Variants in AHCTF1 observed in about 807,000 individuals in gnomAD.
AHCTF1 encodes protein ELYS.
In AHCTF1, 24 loss-of-function variants were observed where a neutral mutation model predicts 248.4. The ratio of observed to expected loss-of-function variants is 0.10; its 90% confidence interval spans 0.07 to 0.14. The LOEUF is 0.14. Among genes scored for constraint, AHCTF1 ranks in the 10% least tolerant of loss-of-function variants. AHCTF1 has a pLI of 1.00. For missense variants in AHCTF1, 2,206 were observed against 2,636.2 expected (o/e 0.84, Z 3.57); for synonymous variants, 786 against 929.8 (o/e 0.85, Z 2.81).
intron 21 of AHCTF1, among the ~76,000 whole-genome samples, chr1:246,877,734 T>C (rs749173898): frequency 3.3e-5 from 5 of 151,858 alleles, no homozygotes; most frequent in Non-Finnish European, 5.9e-5. Context: ...AGCTTGGTAG[T>C]AGATGTTTTT....
intron 6 of AHCTF1, among the ~76,000 whole-genome samples, chr1:246,904,929 T>C (rs1665274759): frequency 6.6e-6 from 1 of 152,164 alleles, no homozygotes; most frequent in Admixed American, 6.5e-5. Context: ...TCCAAGTATA[T>C]TTGAAGAATA....
intron 8 of AHCTF1, among the ~76,000 whole-genome samples, chr1:246,901,773 A>G (rs1691254): frequency 0.61 from 92,158 of 152,060 alleles, 30,166 homozygotes; most frequent in African/African-American, 0.87. Context: ...AGCCAAGATC[A>G]TGCCACCACA....
chr1:246,863,309 G>A (rs1205274533), intron 27 of AHCTF1, among the ~76,000 whole-genome samples: 4 of 151,752 alleles, frequency 2.6e-5, no homozygotes, highest in Admixed American at 6.6e-5. Flanking sequence ...AGGGGTGAGG[G>A]AGAAATAAAG....
At chr1:246,897,135 G>A (rs1558257702) in intron 12 of AHCTF1, among the ~76,000 whole-genome samples, 1 of 152,206 alleles carries the variant, frequency 6.6e-6, no homozygotes, top group East Asian at 1.9e-4. Context: ...CCAACATGGT[G>A]TAACTCTGTC....
chr1:246,906,759 T>C (rs940904567), intron 5 of AHCTF1, among the ~76,000 whole-genome samples: 4 of 152,182 alleles, frequency 2.6e-5, no homozygotes, highest in Non-Finnish European at 5.9e-5. Context: ...TTAACACAAA[T>C]TAACTTAGCT....
intron 14 of AHCTF1, 74 bp from the exon 15 acceptor site, chr1:246,891,993 C>A: frequency 7.0e-7 from 1 of 1,421,574 alleles, no homozygotes; most frequent in South Asian, 1.3e-5. Context: ...TGCAAAATTT[C>A]TCAAACTCCT....
chr1:246,928,896 C>G (rs1244468777), intron 1 of AHCTF1, among the ~76,000 whole-genome samples: 1 of 152,162 alleles, frequency 6.6e-6, no homozygotes, highest in East Asian at 1.9e-4. Flanking sequence ...CAACTTAATT[C>G]AAACATTTTA....
intron 14 of AHCTF1, among the ~76,000 whole-genome samples, chr1:246,894,237 AAAG>A: frequency 6.6e-6 from 1 of 152,306 alleles, no homozygotes; most frequent in East Asian, 1.9e-4. Flanking sequence ...TTTAATGTAA[AAAG>A]AAATAATTTT....
Position 246,849,791 on chromosome 1 carries a change from A to G in AHCTF1, c.6215T>C (p.Met2072Thr), listed in dbSNP as rs1374044469. Residue 2072 changes from methionine to threonine, a missense_variant, in exon 33 of 36, where the codon ATG becomes ACG. Coordinates refer to ENST00000648844, the MANE Select transcript of AHCTF1 (RefSeq NM_001323342.2). ...CTGCTCATTTGTTTCTTTATGTGTC[A>G]TTTCATCTGTGCGTTCTTCTGATAC... The part of the protein sequence containing the change: ...HSVSEERTDE[M>T]THKETNEQEE... 6.2e-7 allele frequency: 1 copy of G among 1,613,760 alleles called. No individual in the cohort carries two copies. The highest frequency in any genetic ancestry group is 8.5e-7 in the Non-Finnish European group (1 of 1,179,860).
At chr1:246,912,246 G>T (rs1268961478) in intron 4 of AHCTF1, among the ~76,000 whole-genome samples, 1 of 151,980 alleles carries the variant, frequency 6.6e-6, no homozygotes, top group Admixed American at 6.6e-5. Context: ...GGAGGCCAAG[G>T]CGGGCGGATC....
In AHCTF1 at chr1:246,850,401, T is replaced by C. The variant is rs745619250; in HGVS notation, c.5605A>G (p.Lys1869Glu). 25 of 1,606,698 alleles carry C rather than the reference T, an allele frequency of 1.6e-5. No homozygotes were observed. In the Admixed American group the frequency reaches 4.3e-4, roughly 28 times the overall value. The stretch of plus-strand genomic sequence containing the variant: ...CTTTTAATTCTTCTAGGAGTCCTTT[T>C]TGTAACAGATGAAACCTTAACTTCT... ...KKEVKVSSVT[K>E]RTPRRIKRSV... The change falls in exon 33 of 36, where the codon AAA becomes GAA. Residue 1869 changes from lysine to glutamate, a missense_variant. Coordinates refer to ENST00000648844, the MANE Select transcript of AHCTF1 (RefSeq NM_001323342.2).
At chr1:246,911,380 ATCAAT>A (rs757985160) in intron 4 of AHCTF1, among the ~76,000 whole-genome samples, 127 of 152,102 alleles carry the variant, frequency 8.3e-4, no homozygotes, top group Non-Finnish European at 1.4e-3. Context: ...GCTTTTGCTC[ATCAAT>A]TCTTTTCATT....
At chr1:246,883,134 T>C (rs1234416110) in intron 21 of AHCTF1, among the ~76,000 whole-genome samples, 2 of 152,222 alleles carry the variant, frequency 1.3e-5, no homozygotes, top group African/African-American at 2.4e-5. Flanking sequence ...AGTGAGGCTG[T>C]ACAGCCAGAA....
In AHCTF1 at chr1:246,867,441, TTTAC is replaced by T. The variant is rs553330090; in HGVS notation, c.3240-94_3240-91del. On this transcript the variant is annotated intron_variant, in intron 25 of 35. Transcript: ENST00000648844. ...GGGAGAACAGAGGGTTTTCATTCGT[TTTAC>T]TTTGTACAGTTCTGCATTGCTTACA... is the stretch of plus-strand genomic sequence containing the variant. 2.5e-3 allele frequency: 2,561 copies of T among 1,040,000 alleles called. 5 individuals carry two copies. Among genetic ancestry groups the T allele is most frequent in the Admixed American group, 3.0e-3 (105 of 34,596 alleles). The allele number at this position is 1,040,000 out of a possible 1,614,324, so 64.4% of individuals were successfully genotyped here. A position where few individuals can be genotyped will look rare whatever the true frequency, so the allele number is the denominator to read the frequency against.
At chr1:246,855,566 ATCTCCTTAGAATACT>A (rs1445299997) in intron 31 of AHCTF1, among the ~76,000 whole-genome samples, 149 bp downstream of exon 31, 5 of 152,204 alleles carry the variant, frequency 3.3e-5, no homozygotes, top group Non-Finnish European at 5.9e-5. Context: ...CAGCTTATAT[ATCTCCTTAGAATACT>A]TCTACACCAG....
intron 14 of AHCTF1, among the ~76,000 whole-genome samples, chr1:246,893,354 TCTA>T (rs1664350714): frequency 6.6e-6 from 1 of 152,232 alleles, no homozygotes; most frequent in Admixed American, 6.5e-5. Flanking sequence ...TTAAAAATCC[TCTA>T]CTAAGAATAA....
rs570436573 is a variant in AHCTF1, at chr1:246,920,312, G to C, written c.-7-1935C>G. On this transcript the variant is annotated intron_variant, in intron 1 of 35. Transcript: ENST00000648844. ...TATATTTGTGTAAATCAGCGATTTA[G>C]CTTGATAAGAAACTGTAAATGTTAA... Among the ~76,000 whole-genome samples the C allele has an allele frequency of 3.4e-4, 51 of 152,120 alleles. 1 individual carries two copies. The South Asian group carries it at 0.01, about 30-fold the overall frequency.
chr1:246,877,001 G>C lies in AHCTF1; in HGVS notation c.2886C>G (p.Ala962=), dbSNP rs749625852. 1 of 1,611,890 alleles carries C rather than the reference G, an allele frequency of 6.2e-7. No individual in the cohort carries two copies. Among genetic ancestry groups the C allele is most frequent in the Non-Finnish European group, 8.5e-7 (1 of 1,179,920 alleles). ...TCAGCTTCAAGGCAGGCACATAATT[G>C]GCACGCTGCAAATGGTGCACTAAAA... ...EFLLVHHLQR[A]NYVPALKLNQ... is the part of the protein sequence containing the mutation. The change falls in exon 23 of 36, where the codon GCC becomes GCG. Residue 962 remains alanine (A), a synonymous_variant. Transcript: ENST00000648844.
intron 31 of AHCTF1, among the ~76,000 whole-genome samples, chr1:246,855,051 G>A (rs558818846): frequency 1.3e-5 from 2 of 152,312 alleles, no homozygotes; most frequent in African/African-American, 4.8e-5. Context: ...GAAGCTTGCC[G>A]TATACCCCAT....
Sources: gnomAD v4.1 joint callset for allele counts (sites outside exome capture counted in the v4.1 genomes callset) on GRCh38, gnomAD v4.1.1 for gene constraint, MANE v1.5 for transcripts, NCBI Gene and HGNC (gene_info 2026-07-23, HGNC 2026-07-21) for gene names.